The following CNTN5 variants were observed in gnomAD, a reference collection of about 807,000 sequenced individuals.
CNTN5 encodes the protein contactin-5.
CNTN5 carries 77 observed loss-of-function variants against 129.1 expected under a neutral mutation model. That is an observed-to-expected ratio of 0.60 (90% confidence interval 0.50 to 0.72). CNTN5 has a LOEUF of 0.72. Ranked by LOEUF, CNTN5 falls within the 30% of genes least tolerant of loss-of-function variation. CNTN5 has a pLI of 0.00. For missense variants in CNTN5, 1,478 were observed against 1,328.8 expected (o/e 1.11, Z -1.75); for synonymous variants, 509 against 465.6 (o/e 1.09, Z -1.20).
intron 6 of CNTN5, among the ~76,000 whole-genome samples, chr11:99,896,866 C>G (rs963777661): frequency 6.6e-6 from 1 of 152,120 alleles, no homozygotes; most frequent in Non-Finnish European, 1.5e-5. Flanking sequence ...CCTGCCCCAG[C>G]CTGAATATTT....
At chr11:99,908,717 G>A (rs998135578) in intron 6 of CNTN5, among the ~76,000 whole-genome samples, 6 of 151,972 alleles carry the variant, frequency 3.9e-5, no homozygotes, top group Admixed American at 1.3e-4. Flanking sequence ...TGTAACACAT[G>A]AAATACAGGA....
intron 18 of CNTN5, among the ~76,000 whole-genome samples, chr11:100,279,900 TTTTC>T (rs1220299378): frequency 9.8e-6 from 1 of 102,500 alleles, no homozygotes; most frequent in African/African-American, 3.2e-5. Flanking sequence ...TATTTGAAGT[TTTTC>T]TTTTTCTTTT....
At chr11:100,095,816 C>T (rs951369179) in intron 13 of CNTN5, among the ~76,000 whole-genome samples, 14 of 152,006 alleles carry the variant, frequency 9.2e-5, no homozygotes, top group African/African-American at 3.4e-4. Context: ...TACACGTGTG[C>T]CTTCGGTGAT....
chr11:99,778,958 T>A (rs1420882059), intron 3 of CNTN5, among the ~76,000 whole-genome samples: 1 of 151,824 alleles, frequency 6.6e-6, no homozygotes, highest in Non-Finnish European at 1.5e-5. Flanking sequence ...TTTTTCTCAA[T>A]GTCCAGGTGA....
intron 1 of CNTN5, among the ~76,000 whole-genome samples, chr11:99,021,715 T>A (rs1024221629): frequency 6.6e-6 from 1 of 152,190 alleles, no homozygotes; most frequent in South Asian, 2.1e-4. Context: ...GCATCTGGCA[T>A]TGCAATAACT....
chr11:99,296,774 C>G (rs1864408559), intron 1 of CNTN5, among the ~76,000 whole-genome samples: 1 of 152,172 alleles, frequency 6.6e-6, no homozygotes, highest in African/African-American at 2.4e-5. Context: ...CCATAGTACT[C>G]TTTAATGAAG....
At chr11:100,278,615 T>A (rs941264409) in intron 18 of CNTN5, among the ~76,000 whole-genome samples, 1 of 152,060 alleles carries the variant, frequency 6.6e-6, no homozygotes, top group Non-Finnish European at 1.5e-5. Context: ...TGTTCACAGT[T>A]TGCATATAAA....
chr11:99,428,303 T>C (rs1223166741), intron 2 of CNTN5, among the ~76,000 whole-genome samples: 5 of 152,140 alleles, frequency 3.3e-5, no homozygotes, highest in African/African-American at 1.2e-4. Context: ...CTCACGTTTT[T>C]AATCCCAGCA....
At chr11:99,466,230 C>T (rs550951334) in intron 2 of CNTN5, among the ~76,000 whole-genome samples, 5 of 152,154 alleles carry the variant, frequency 3.3e-5, no homozygotes, top group South Asian at 4.1e-4. Flanking sequence ...CTCACTTCTA[C>T]GAGAACAGCA....
chr11:99,757,257 T>G (rs1428132968), intron 3 of CNTN5, among the ~76,000 whole-genome samples: 1 of 152,036 alleles, frequency 6.6e-6, no homozygotes, highest in Admixed American at 6.6e-5. Flanking sequence ...TGGCTCTGTT[T>G]CTATATTTTC....
chr11:99,830,009 G>C (rs889355042), intron 4 of CNTN5, among the ~76,000 whole-genome samples: 1 of 152,072 alleles, frequency 6.6e-6, no homozygotes, highest in African/African-American at 2.4e-5. Context: ...ATTAAGTGTA[G>C]GGTGCATTTC....
At chr11:99,076,408 T>G (rs1298692796) in intron 1 of CNTN5, among the ~76,000 whole-genome samples, 1 of 151,964 alleles carries the variant, frequency 6.6e-6, no homozygotes, top group African/African-American at 2.4e-5. Context: ...GTAAAAGTGC[T>G]GTCTTAACAC....
chr11:99,096,532 T>C (rs560210551), intron 1 of CNTN5, among the ~76,000 whole-genome samples: 1 of 151,972 alleles, frequency 6.6e-6, no homozygotes, highest in South Asian at 2.1e-4. Context: ...AGTGTTTTCA[T>C]AGGTTTTATT....
At chr11:99,354,512 C>T (rs965687757) in intron 2 of CNTN5, among the ~76,000 whole-genome samples, 13 of 152,076 alleles carry the variant, frequency 8.5e-5, no homozygotes, top group Admixed American at 2.0e-4. Flanking sequence ...AGTTGAAATG[C>T]GGATAATTTT....
Position 99,400,593 on chromosome 11 carries a change from C to T in CNTN5, c.-71+75109C>T, listed in dbSNP as rs1047340418. On this transcript the variant is annotated intron_variant, in intron 2 of 24. Coordinates refer to ENST00000524871, the MANE Select transcript of CNTN5 (RefSeq NM_014361.4). ...TGATTTCTGTTATGGGGGATATAGT[C>T]CCAGTGGTGGAATTGCTGGGTCATA... Among the ~76,000 whole-genome samples the T allele has an allele frequency of 2.6e-5, 4 of 152,016 alleles. No homozygotes were observed. In the East Asian group the frequency reaches 7.7e-4, roughly 29 times the overall value.
At chr11:100,049,812 A>G (rs1261310204) in intron 9 of CNTN5, among the ~76,000 whole-genome samples, 2 of 152,204 alleles carry the variant, frequency 1.3e-5, no homozygotes, top group Non-Finnish European at 2.9e-5. Flanking sequence ...AAAGTGGGCA[A>G]AGGACATGAA....
chr11:99,797,927 T>C (rs1249771411), intron 3 of CNTN5, among the ~76,000 whole-genome samples: 1 of 152,188 alleles, frequency 6.6e-6, no homozygotes, highest in Admixed American at 6.5e-5. Context: ...AAATATAGCC[T>C]CTGCCTGTTT....
At chr11:99,744,587 G>A (rs1376060125) in intron 3 of CNTN5, among the ~76,000 whole-genome samples, 1 of 139,284 alleles carries the variant, frequency 7.2e-6, no homozygotes, top group African/African-American at 2.7e-5. Context: ...GGGTGTAGTG[G>A]TAGCTGCCTG....
chr11:99,040,477 A>G (rs1863943242), intron 1 of CNTN5, among the ~76,000 whole-genome samples: 1 of 152,140 alleles, frequency 6.6e-6, no homozygotes, highest in African/African-American at 2.4e-5. Flanking sequence ...GTTGCACATT[A>G]TACTAAACTT....
Sources: gnomAD v4.1 joint callset for allele counts (sites outside exome capture counted in the v4.1 genomes callset) on GRCh38, gnomAD v4.1.1 for gene constraint, MANE v1.5 for transcripts, NCBI Gene and HGNC (gene_info 2026-07-23, HGNC 2026-07-21) for gene names.